The following PCDH15 variants were observed in gnomAD, a reference collection of about 807,000 sequenced individuals.
PCDH15 encodes the protein protocadherin related 15, also known as protocadherin-15.
A neutral mutation model predicts 178.5 loss-of-function variants in PCDH15; 129 were observed. The ratio of observed to expected loss-of-function variants is 0.72; its 90% confidence interval spans 0.63 to 0.84. The LOEUF (loss-of-function observed/expected upper bound fraction) is 0.84. Ranked by LOEUF, PCDH15 falls within the 40% of genes least tolerant of loss-of-function variation. The probability of loss-of-function intolerance (pLI) is 0.00; values close to 1 mark genes in which losing one functional copy is unlikely to be tolerated. For synonymous variants in PCDH15, 800 were observed against 732.0 expected, an observed-to-expected ratio of 1.09 and a Z score of -1.50; for missense variants, 2,230 against 2,099.9, an observed-to-expected ratio of 1.06 and a Z score of -1.21.
At chr10:55,570,788 C>A (rs1217118987) in intron 2 of PCDH15, among the ~76,000 whole-genome samples, 1 of 151,960 alleles carries the variant, frequency 6.6e-6, no homozygotes, top group African/African-American at 2.4e-5. Flanking sequence ...TAATGAAAAG[C>A]CTGACCTTCT....
At chr10:53,898,078 T>TCAA (rs879405033) in intron 26 of PCDH15, among the ~76,000 whole-genome samples, 75,576 of 149,190 alleles carry the variant, frequency 0.51, 20,728 homozygotes, top group Middle Eastern at 0.68. Flanking sequence ...GCCAATCTCC[T>TCAA]GCCTCAGCCT....
At chr10:54,641,805 C>G (rs1004533029) in intron 2 of PCDH15, among the ~76,000 whole-genome samples, 6 of 152,160 alleles carry the variant, frequency 3.9e-5, no homozygotes, top group African/African-American at 1.4e-4. Flanking sequence ...AGCGAGTGAT[C>G]TGTTTTAGAA....
chr10:55,159,386 T>C (rs972886916), intron 2 of PCDH15, among the ~76,000 whole-genome samples: 2,053 of 10,706 alleles, frequency 0.19, 18 homozygotes, highest in Middle Eastern at 0.48. Context: ...TATATATATA[T>C]ATACACACAT....
intron 1 of PCDH15, among the ~76,000 whole-genome samples, chr10:54,780,733 T>TA (rs35494053): frequency 0.13 from 14,718 of 114,168 alleles, 1,238 homozygotes; most frequent in East Asian, 0.43. Flanking sequence ...AGCAATTGTG[T>TA]AAAAAAAAAA....
rs573779506 is a variant in PCDH15, at chr10:54,197,857, G to A, written c.1099-1968C>T. Among the ~76,000 whole-genome samples the A allele has an allele frequency of 1.8e-4, 27 of 152,108 alleles. No homozygotes were observed. The East Asian group carries it at 5.2e-3, about 29-fold the overall frequency. ...ATGTCAATTACTAATGTGAAATTAT[G>A]CTAATTAATAAACCCATAGGGAGGT... On this transcript the variant is annotated intron_variant, in intron 10 of 37. Coordinates refer to ENST00000644397, the MANE Select transcript of PCDH15 (RefSeq NM_001384140.1).
chr10:54,299,433 G>T (rs2060016918), intron 8 of PCDH15, among the ~76,000 whole-genome samples: 1 of 152,180 alleles, frequency 6.6e-6, no homozygotes, highest in Admixed American at 6.6e-5. Context: ...AAAAGCCAGG[G>T]TAAATTTAAA....
At position 54,561,514 on chromosome 10, in the gene PCDH15, T is replaced by C. The variant is rs140683898; in HGVS notation, c.92-33637A>G. 7.9e-4 allele frequency among the ~76,000 whole-genome samples: 121 copies of C among 152,266 alleles called. 1 individual carries two copies. The highest frequency in any genetic ancestry group is 2.9e-3 in the African/African-American group (120 of 41,576). ...ATTTAATCAAATTCATGGGAATCAA[T>C]AGAATTGTTTTCTTTTGTTGGTTTT... On this transcript the variant is annotated intron_variant, in intron 2 of 37. Coordinates refer to ENST00000644397, the MANE Select transcript of PCDH15 (RefSeq NM_001384140.1).
chr10:54,338,189 G>A (rs144155926), intron 6 of PCDH15, among the ~76,000 whole-genome samples: 76 of 152,242 alleles, frequency 5.0e-4, no homozygotes, highest in African/African-American at 1.6e-3. Context: ...ACTGAGGTTC[G>A]AAGTTTTACA....
At chr10:54,228,476 T>C (rs375744087) in intron 9 of PCDH15, among the ~76,000 whole-genome samples, 41 of 152,236 alleles carry the variant, frequency 2.7e-4, no homozygotes, top group South Asian at 1.9e-3. Context: ...AAAATGAGAT[T>C]TGGGTGGTGA....
At chr10:54,953,377 G>T (rs970314706) in intron 2 of PCDH15, among the ~76,000 whole-genome samples, 34 of 151,268 alleles carry the variant, frequency 2.2e-4, no homozygotes, top group Non-Finnish European at 2.7e-4. Context: ...ATCCCACTTT[G>T]CTGTAGTGTA....
At chr10:55,037,484 G>A (rs1342369017) in intron 2 of PCDH15, among the ~76,000 whole-genome samples, 2 of 151,972 alleles carry the variant, frequency 1.3e-5, no homozygotes, top group Admixed American at 6.6e-5. Context: ...CGCCCATCTC[G>A]GACTCCCAAA....
At chr10:55,069,848 G>A (rs577544358) in intron 2 of PCDH15, among the ~76,000 whole-genome samples, 18 of 151,834 alleles carry the variant, frequency 1.2e-4, no homozygotes, top group African/African-American at 3.4e-4. Context: ...CTGAGGAACC[G>A]CCACACTGAC....
chr10:55,341,789 ATATATATATATATATATTTTTTT>A (rs1426116446), intron 2 of PCDH15, among the ~76,000 whole-genome samples: 1 of 20,830 alleles, frequency 4.8e-5, no homozygotes, highest in African/African-American at 1.8e-4. Context: ...ATATATATAT[ATATATATATATATATATTTTTTT>A]TTTTTTTTTT....
chr10:54,566,632 G>C (rs1930176), intron 2 of PCDH15, among the ~76,000 whole-genome samples: 27,432 of 151,918 alleles, frequency 0.18, 2,586 homozygotes, highest in Non-Finnish European at 0.19. Context: ...TTGGTATTTT[G>C]AATTTACAGT....
At chr10:54,917,910 T>A (rs1208626249) in intron 2 of PCDH15, among the ~76,000 whole-genome samples, 1 of 152,214 alleles carries the variant, frequency 6.6e-6, no homozygotes, top group Non-Finnish European at 1.5e-5. Flanking sequence ...ATACTAATTA[T>A]CTCAGTACAC....
intron 10 of PCDH15, among the ~76,000 whole-genome samples, chr10:54,199,764 G>A (rs2050046563): frequency 6.6e-6 from 1 of 151,676 alleles, no homozygotes; most frequent in Non-Finnish European, 1.5e-5. Flanking sequence ...GGAATAAGGT[G>A]GTATTTTAAA....
intron 1 of PCDH15, among the ~76,000 whole-genome samples, chr10:54,737,490 G>A (rs1348728952): frequency 6.6e-6 from 1 of 152,084 alleles, no homozygotes; most frequent in Non-Finnish European, 1.5e-5. Context: ...TAATGAGTTA[G>A]TAAATTCCAA....
At chr10:55,005,226 A>AATAATAATCATCATC (rs34847205) in intron 2 of PCDH15, among the ~76,000 whole-genome samples, 2 of 146,518 alleles carry the variant, frequency 1.4e-5, no homozygotes, top group Non-Finnish European at 3.0e-5. Flanking sequence ...TAATAATAAT[A>AATAATAATCATCATC]ATCAATGGAG....
intron 3 of PCDH15, among the ~76,000 whole-genome samples, chr10:54,810,179 C>T (rs1359225048): frequency 2.6e-5 from 4 of 152,072 alleles, no homozygotes; most frequent in Non-Finnish European, 4.4e-5. Context: ...TTATCTTCAT[C>T]GTCACCCTTG....
Sources: allele counts gnomAD v4.1 joint callset (sites outside exome capture counted in the v4.1 genomes callset), GRCh38; gene constraint gnomAD v4.1.1; transcripts MANE v1.5; gene names NCBI Gene and HGNC (gene_info 2026-07-23, HGNC 2026-07-21).